SLCO2A1: variants seen among roughly 807,000 people sequenced by gnomAD.
SLCO2A1 encodes matrin F/G 1.
Under a neutral mutation model 71.7 loss-of-function variants are expected in SLCO2A1, and 60 were observed. That is an observed-to-expected ratio of 0.84 (90% CI 0.68 to 1.04). The LOEUF is 1.04. Among genes scored for constraint, SLCO2A1 ranks in the 50% least tolerant of loss-of-function variants. SLCO2A1 has a pLI of 0.00. For synonymous variants in SLCO2A1, 308 were observed against 326.7 expected, an observed-to-expected ratio of 0.94 and a Z score of 0.62; for missense variants, 745 against 813.4, an observed-to-expected ratio of 0.92 and a Z score of 1.02.
intron 1 of SLCO2A1, among the ~76,000 whole-genome samples, chr3:133,981,930 G>A (rs1313005625): frequency 7.1e-6 from 1 of 140,604 alleles, no homozygotes; most frequent in Non-Finnish European, 1.5e-5. Context: ...AGCTGAGATT[G>A]TGCCACTGCA....
intron 3 of SLCO2A1, among the ~76,000 whole-genome samples, chr3:133,968,640 CTGCATG>C (rs1934249126): frequency 6.6e-6 from 1 of 152,262 alleles, no homozygotes; most frequent in Non-Finnish European, 1.5e-5. Flanking sequence ...CATCCATTGT[CTGCATG>C]TGGGCAGACT....
intron 11 of SLCO2A1, among the ~76,000 whole-genome samples, chr3:133,938,841 C>T (rs1464290085): frequency 6.6e-6 from 1 of 152,044 alleles, no homozygotes. Context: ...GTGTGATTTT[C>T]AGGGCTGCCC....
At chr3:134,024,179 G>T (rs1464262799) in intron 1 of SLCO2A1, among the ~76,000 whole-genome samples, 1 of 152,238 alleles carries the variant, frequency 6.6e-6, no homozygotes, top group Non-Finnish European at 1.5e-5. Context: ...AGTGGCACTT[G>T]TACTTTAGTC....
At chr3:133,995,534 GCTT>G (rs1934946601) in intron 1 of SLCO2A1, among the ~76,000 whole-genome samples, 1 of 152,224 alleles carries the variant, frequency 6.6e-6, no homozygotes, top group Non-Finnish European at 1.5e-5. Flanking sequence ...CCTGGGGTGA[GCTT>G]CTACTTATCC....
At chr3:133,951,989 G>A (rs1933756551) in intron 5 of SLCO2A1, among the ~76,000 whole-genome samples, 2 of 152,158 alleles carry the variant, frequency 1.3e-5, no homozygotes, top group Non-Finnish European at 2.9e-5. Context: ...GCTTTCTCTT[G>A]GCAATTCTCT....
At chr3:134,024,118 G>C (rs1403074672) in intron 1 of SLCO2A1, among the ~76,000 whole-genome samples, 2 of 152,240 alleles carry the variant, frequency 1.3e-5, no homozygotes, top group Non-Finnish European at 2.9e-5. Flanking sequence ...CCGAGCAGAT[G>C]TGTGGTGGTA....
chr3:133,973,849 A>G lies in SLCO2A1; in HGVS notation c.235-24T>C, dbSNP rs1396541570. On this transcript the variant is annotated intron_variant, in intron 2 of 13. Transcript: ENST00000310926. Reference sequence around the variant, plus strand: ...ATCTGAGAAGAGAGCAGAAGGGCTGAGTGAGACAAGAGGCCCTGTCCTCAC... The same window carrying G: ...ATCTGAGAAGAGAGCAGAAGGGCTGGGTGAGACAAGAGGCCCTGTCCTCAC... The G allele has an allele frequency of 6.9e-6, 11 of 1,603,872 alleles. No individual in the cohort carries two copies. The East Asian group carries it at 9.0e-5, about 13-fold the overall frequency.
rs554491832 is a variant in SLCO2A1, at chr3:133,988,007, TC to T, written c.97-8390del. On this transcript the variant is annotated intron_variant, in intron 1 of 13. Coordinates refer to ENST00000310926, the MANE Select transcript of SLCO2A1 (RefSeq NM_005630.3). Reference sequence around the variant, plus strand: ...AGAACAGCACAGAAAAACCTTATTCTCACCCTCACTGAGTGTAAACCAAAAA... The same window carrying T: ...AGAACAGCACAGAAAAACCTTATTCTACCCTCACTGAGTGTAAACCAAAAA... Among the ~76,000 whole-genome samples the T allele has an allele frequency of 1.9e-3, 284 of 152,336 alleles. 2 individuals carry two copies. Among genetic ancestry groups the T allele is most frequent in the South Asian group, 5.2e-3 (25 of 4,828 alleles).
chr3:134,025,726 G>A (rs1165244359), intron 1 of SLCO2A1, among the ~76,000 whole-genome samples: 2 of 152,096 alleles, frequency 1.3e-5, no homozygotes, highest in African/African-American at 4.8e-5. Context: ...TGTACTAAGG[G>A]ACAATGTAAC....
intron 3 of SLCO2A1, among the ~76,000 whole-genome samples, chr3:133,962,922 T>A (rs551829775): frequency 2.6e-4 from 39 of 152,212 alleles, no homozygotes; most frequent in African/African-American, 8.7e-4. Flanking sequence ...GAGGGGCGTC[T>A]ATTTCTTAGC....
At chr3:134,003,243 A>G (rs1214076737) in intron 1 of SLCO2A1, among the ~76,000 whole-genome samples, 1 of 152,190 alleles carries the variant, frequency 6.6e-6, no homozygotes, top group Non-Finnish European at 1.5e-5. Flanking sequence ...CTTGACACCT[A>G]CCAGTTGCAG....
chr3:133,953,627 T>C (rs199782188), intron 5 of SLCO2A1, 36 bp downstream of exon 5: 16,334 of 1,544,748 alleles, frequency 0.011, 130 homozygotes, highest in South Asian at 0.017. Context: ...TTTATTGAGC[T>C]GGGGATGGGA....
At position 133,979,522 on chromosome 3, in the gene SLCO2A1, G is replaced by A. The variant is rs1285231389; in HGVS notation, c.193C>T (p.Leu65Phe). ...SLTTIEKRFGLSSSSSGLISS... is the reference protein window; with the variant it reads ...SLTTIEKRFGFSSSSSGLISS... Reference sequence around the variant, plus strand: ...ATGAGACCCGATGAAGAACTGGAGAGCCCAAAGCGCTTCTCAATGGTGGTG... The same window carrying A: ...ATGAGACCCGATGAAGAACTGGAGAACCCAAAGCGCTTCTCAATGGTGGTG... Residue 65 changes from leucine to phenylalanine, a missense_variant, in exon 2 of 14, where the codon CTC (leucine) becomes TTC (phenylalanine). Leu to Phe is a conservative substitution (Grantham distance 22). Coordinates refer to ENST00000310926, the MANE Select transcript of SLCO2A1 (RefSeq NM_005630.3). 1 of 1,614,032 alleles carries A rather than the reference G, an allele frequency of 6.2e-7. No individual in the cohort carries two copies. Among genetic ancestry groups the A allele is most frequent in the East Asian group, 2.2e-5 (1 of 44,902 alleles).
chr3:134,017,339 C>T (rs140527967), intron 1 of SLCO2A1, among the ~76,000 whole-genome samples: 1 of 152,084 alleles, frequency 6.6e-6, no homozygotes, highest in African/African-American at 2.4e-5. Context: ...TTTTTCAATT[C>T]TAAATCAATC....
At chr3:134,006,089 G>T (rs1402958076) in intron 1 of SLCO2A1, among the ~76,000 whole-genome samples, 1 of 151,884 alleles carries the variant, frequency 6.6e-6, no homozygotes. Context: ...TTTTGAGACA[G>T]AGTCTTGCCT....
chr3:133,979,647 T>C, intron 1 of SLCO2A1, 29 bp from the exon 2 acceptor site: 1 of 1,574,168 alleles, frequency 6.4e-7, no homozygotes, highest in Non-Finnish European at 8.6e-7. Flanking sequence ...GCCCGTGAGG[T>C]TTCTGGACGA....
intron 11 of SLCO2A1, among the ~76,000 whole-genome samples, chr3:133,941,647 G>A (rs897106195): frequency 5.3e-5 from 8 of 152,052 alleles, no homozygotes; most frequent in African/African-American, 1.9e-4. Flanking sequence ...AACCTCAGAA[G>A]CATTCATTGC....
rs528942876 is a variant in SLCO2A1 at position 134,020,154 on chromosome 3, T to G, written c.96+9553A>C. On this transcript the variant is annotated intron_variant, in intron 1 of 13. Coordinates refer to ENST00000310926, the MANE Select transcript of SLCO2A1 (RefSeq NM_005630.3). ...AGTCACGCACCCCCTGCTTGCTCAA[T>G]GGATCATGACCCGCTCATGTGCACC... Among the ~76,000 whole-genome samples, 338 of 152,222 alleles carry G rather than the reference T, an allele frequency of 2.2e-3. 1 individual carries two copies. The highest frequency in any genetic ancestry group is 0.01 in the Middle Eastern group (3 of 294).
rs147938000 is a variant in SLCO2A1, at chr3:133,991,935, A to G, written c.97-12317T>C. Among the ~76,000 whole-genome samples the G allele has an allele frequency of 2.6e-4, 40 of 152,356 alleles. No homozygotes were observed. In the East Asian group the frequency reaches 7.3e-3, roughly 28 times the overall value. On this transcript the variant is annotated intron_variant, in intron 1 of 13. Transcript: ENST00000310926. ...GAACAGCTTCTGGGAGGACTGGCACATCTGTCCTCAGTGGAGGCCACAGGA... is the reference window on the plus strand; with the variant it reads ...GAACAGCTTCTGGGAGGACTGGCACGTCTGTCCTCAGTGGAGGCCACAGGA...
Sources: allele counts gnomAD v4.1 joint callset (sites outside exome capture counted in the v4.1 genomes callset), GRCh38; gene constraint gnomAD v4.1.1; transcripts MANE v1.5; gene names NCBI Gene and HGNC (gene_info 2026-07-23, HGNC 2026-07-21).